The following CDH6 variants were observed in gnomAD, a reference collection of about 807,000 sequenced individuals.
CDH6 encodes the protein cadherin-6.
A neutral mutation model predicts 78.0 loss-of-function variants in CDH6; 31 were observed. That is an observed-to-expected ratio of 0.40 (90% confidence interval 0.30 to 0.54). The LOEUF (loss-of-function observed/expected upper bound fraction) is 0.54. Among genes scored for constraint, CDH6 ranks in the 20% least tolerant of loss-of-function variants. The pLI is 0.56. For missense variants in CDH6, 724 were observed against 975.9 expected (o/e 0.74, Z 3.44); for synonymous variants, 376 against 368.8 (o/e 1.02, Z -0.23).
chr5:31,303,628 A>T (rs1260478855), intron 6 of CDH6, among the ~76,000 whole-genome samples: 1 of 152,228 alleles, frequency 6.6e-6, no homozygotes, highest in Non-Finnish European at 1.5e-5. Context: ...AAGACTAAAA[A>T]TATTAATTTT....
intron 1 of CDH6, chr5:31,249,921 G>A (rs764191424): frequency 1.3e-5 from 2 of 152,250 alleles, no homozygotes; most frequent in Non-Finnish European, 2.9e-5. Flanking sequence ...AAGTCAAAAG[G>A]GTGCCCTACA....
At chr5:31,270,496 C>T (rs1246933292) in intron 2 of CDH6, among the ~76,000 whole-genome samples, 2 of 152,106 alleles carry the variant, frequency 1.3e-5, no homozygotes, top group Non-Finnish European at 2.9e-5. Flanking sequence ...TTTCCTTTTC[C>T]ACTTTGATTT....
chr5:31,271,856 A>G (rs1742540081), intron 2 of CDH6, among the ~76,000 whole-genome samples: 1 of 152,176 alleles, frequency 6.6e-6, no homozygotes, highest in African/African-American at 2.4e-5. Flanking sequence ...GCATGTTAAA[A>G]TTTGAGAAGT....
intron 5 of CDH6, among the ~76,000 whole-genome samples, chr5:31,301,166 T>C (rs767388278): frequency 6.6e-6 from 1 of 152,144 alleles, no homozygotes; most frequent in Non-Finnish European, 1.5e-5. Flanking sequence ...TCAAAAAAAG[T>C]TTAAAAATTT....
rs544840269 is a variant in CDH6, at chr5:31,324,100, G to C, written c.*792G>C. The C allele has an allele frequency of 1.8e-3, 394 of 221,620 alleles. No individual in the cohort carries two copies. Among genetic ancestry groups the C allele is most frequent in the Admixed American group, 2.9e-3 (50 of 17,366 alleles). 13.7% of individuals were successfully genotyped at this position (221,620 alleles called of 1,614,324 possible). ...ATTTTACCATACATTTAAAGTTTTG[G>C]CCACCACATGTATCACGGGTCACTT... On this transcript the variant is annotated 3_prime_UTR_variant, in exon 12 of 12. Coordinates refer to ENST00000265071, the MANE Select transcript of CDH6 (RefSeq NM_004932.4).
At chr5:31,233,286 A>G (rs1741362999) in intron 1 of CDH6, among the ~76,000 whole-genome samples, 1 of 152,000 alleles carries the variant, frequency 6.6e-6, no homozygotes, top group Admixed American at 6.6e-5. Context: ...CATTTTAATC[A>G]AAGCTTTAAA....
chr5:31,299,403 C>G lies in CDH6; in HGVS notation c.644-61C>G. The G allele has an allele frequency of 2.2e-6, 3 of 1,337,770 alleles. No individual in the cohort carries two copies. In the South Asian group the frequency reaches 3.8e-5, roughly 17 times the overall value. 82.9% of individuals were successfully genotyped at this position (1,337,770 alleles called of 1,614,324 possible). A position where few individuals can be genotyped will look rare whatever the true frequency, so the allele number is the denominator to read the frequency against. The stretch of plus-strand genomic sequence containing the variant: ...GACAGTTTATGTTGTTTGCATAAAT[C>G]AATGATTCCATAAAGTATTCTTAAT... On this transcript the variant is annotated intron_variant, in intron 4 of 11. Coordinates refer to ENST00000265071, the MANE Select transcript of CDH6 (RefSeq NM_004932.4).
intron 2 of CDH6, among the ~76,000 whole-genome samples, chr5:31,290,875 T>C (rs1743138877): frequency 6.6e-6 from 1 of 152,208 alleles, no homozygotes; most frequent in Non-Finnish European, 1.5e-5. Flanking sequence ...AGTTTTCAAA[T>C]ATTGATAAAT....
intron 1 of CDH6, among the ~76,000 whole-genome samples, chr5:31,200,570 AC>A (rs1740322802): frequency 8.8e-6 from 1 of 113,270 alleles, no homozygotes; most frequent in Non-Finnish European, 1.8e-5. Flanking sequence ...ACATACATAC[AC>A]ACACACACAC....
chr5:31,227,133 G>A (rs1385454243), intron 1 of CDH6, among the ~76,000 whole-genome samples: 5 of 152,090 alleles, frequency 3.3e-5, no homozygotes, highest in Admixed American at 2.6e-4. Context: ...GCTGATGCTC[G>A]GAAAGAAGAG....
chr5:31,313,703 T>C (rs959204020), intron 8 of CDH6, among the ~76,000 whole-genome samples: 1 of 152,206 alleles, frequency 6.6e-6, no homozygotes, highest in Admixed American at 6.5e-5. Flanking sequence ...ACAAATGAGA[T>C]TGAATTGGTA....
At chr5:31,313,569 A>T in intron 8 of CDH6, 115 bp downstream of exon 8, 2 of 1,005,524 alleles carry the variant, frequency 2.0e-6, no homozygotes, top group Non-Finnish European at 2.9e-6. Context: ...ATATATATTG[A>T]GGGAAAAAGC....
chr5:31,256,152 C>T (rs532047251), intron 1 of CDH6, among the ~76,000 whole-genome samples: 2 of 152,266 alleles, frequency 1.3e-5, no homozygotes, highest in African/African-American at 4.8e-5. Flanking sequence ...AATTCCCCAT[C>T]TTTAAATTAT....
chr5:31,199,458 GTA>G (rs139260662), intron 1 of CDH6, among the ~76,000 whole-genome samples: 38 of 23,388 alleles, frequency 1.6e-3, no homozygotes, highest in East Asian at 4.2e-3. Context: ...ACACATATGT[GTA>G]TATATACACA....
intron 1 of CDH6, chr5:31,250,381 C>T (rs780589679): frequency 6.6e-6 from 1 of 152,342 alleles, no homozygotes; most frequent in Non-Finnish European, 1.5e-5. Flanking sequence ...CCCCTGGGCT[C>T]GGAGTGAGCC....
intron 2 of CDH6, among the ~76,000 whole-genome samples, chr5:31,269,287 G>GA (rs59935966): frequency 1.2e-3 from 54 of 45,248 alleles, no homozygotes; most frequent in Admixed American, 3.2e-3. Flanking sequence ...AAAAAGCGGG[G>GA]GGGGCAGGTT....
chr5:31,289,348 C>T (rs1256167683), intron 2 of CDH6, among the ~76,000 whole-genome samples: 1 of 152,140 alleles, frequency 6.6e-6, no homozygotes, highest in East Asian at 1.9e-4. Context: ...ATATGTACCA[C>T]ATTTTCTTTA....
rs1394649519 is a variant in CDH6 at position 31,203,246 on chromosome 5, AT to A, written c.-129+9363del. On this transcript the variant is annotated intron_variant, in intron 1 of 11. Coordinates refer to ENST00000265071, the MANE Select transcript of CDH6 (RefSeq NM_004932.4). ...TTCAGGCAGGTCCTTTTTTTTTTTT[AT>A]TTATTTTTTATTATTATACTTTAAG... Among the ~76,000 whole-genome samples, 4 of 62,320 alleles carry A rather than the reference AT, an allele frequency of 6.4e-5. No homozygotes were observed. In the Admixed American group the frequency reaches 6.8e-4, roughly 11 times the overall value. 40.9% of individuals were successfully genotyped at this position (62,320 alleles called of 152,430 possible).
intron 2 of CDH6, among the ~76,000 whole-genome samples, chr5:31,280,435 G>A (rs753498628): frequency 2.0e-5 from 3 of 152,100 alleles, no homozygotes; most frequent in Non-Finnish European, 4.4e-5. Flanking sequence ...TTCCTTTTGC[G>A]TGTAAGCAAA....
Sources: allele counts gnomAD v4.1 joint callset (sites outside exome capture counted in the v4.1 genomes callset), GRCh38; gene constraint gnomAD v4.1.1; transcripts MANE v1.5; gene names NCBI Gene and HGNC (gene_info 2026-07-23, HGNC 2026-07-21).